The following CTNNA3 variants were observed in gnomAD, a reference collection of about 807,000 sequenced individuals.
The protein encoded by CTNNA3 is catenin alpha-3.
A neutral mutation model predicts 95.7 loss-of-function variants in CTNNA3; 76 were observed. The ratio of observed to expected loss-of-function variants is 0.79; its 90% CI spans 0.66 to 0.96. The LOEUF (loss-of-function observed/expected upper bound fraction) is 0.96, where lower values mean the gene tolerates loss of function less well. Ranked by LOEUF, CTNNA3 falls within the 40% of genes least tolerant of loss-of-function variation. The pLI is 0.00. For missense variants in CTNNA3, 1,191 were observed against 1,089.8 expected, an observed-to-expected ratio of 1.09 and a Z score of -1.31; for synonymous variants, 431 against 374.4, an observed-to-expected ratio of 1.15 and a Z score of -1.74.
chr10:67,453,564 C>CA (rs1847065331), intron 5 of CTNNA3, among the ~76,000 whole-genome samples: 1 of 152,162 alleles, frequency 6.6e-6, no homozygotes, highest in South Asian at 2.1e-4. Flanking sequence ...GCATGGAAAA[C>CA]AAACTTCACT....
chr10:67,030,772 G>A (rs780129941), intron 7 of CTNNA3, among the ~76,000 whole-genome samples: 17 of 152,136 alleles, frequency 1.1e-4, no homozygotes, highest in Non-Finnish European at 2.1e-4. Context: ...TTGGGAGGCC[G>A]AGGTGGGCAG....
chr10:66,313,672 C>T (rs2132267325), intron 12 of CTNNA3, among the ~76,000 whole-genome samples: 1 of 152,248 alleles, frequency 6.6e-6, no homozygotes, highest in South Asian at 2.1e-4. Flanking sequence ...TATTATTTGT[C>T]TTTCTCTCAA....
At chr10:66,011,730 A>G (rs1361755620) in intron 15 of CTNNA3, among the ~76,000 whole-genome samples, 1 of 152,124 alleles carries the variant, frequency 6.6e-6, no homozygotes, top group Non-Finnish European at 1.5e-5. Flanking sequence ...AGTTTCATTT[A>G]TTCTCTTAAG....
At chr10:66,110,821 G>A (rs1024636637) in intron 13 of CTNNA3, among the ~76,000 whole-genome samples, 2 of 152,104 alleles carry the variant, frequency 1.3e-5, no homozygotes, top group African/African-American at 4.8e-5. Context: ...CACTGTGCAA[G>A]TATCATAGAG....
At chr10:66,105,503 C>T (rs1473067924) in intron 13 of CTNNA3, among the ~76,000 whole-genome samples, 7 of 152,194 alleles carry the variant, frequency 4.6e-5, no homozygotes, top group Non-Finnish European at 8.8e-5. Context: ...TATATCCTAT[C>T]ATGCAATGAC....
chr10:66,977,979 T>C (rs1445674738), intron 7 of CTNNA3, among the ~76,000 whole-genome samples: 1 of 152,076 alleles, frequency 6.6e-6, no homozygotes, highest in Admixed American at 6.6e-5. Flanking sequence ...TATTCCTAAG[T>C]GTGGAATAAT....
At chr10:66,020,838 A>T (rs1470406312) in intron 15 of CTNNA3, among the ~76,000 whole-genome samples, 3 of 151,328 alleles carry the variant, frequency 2.0e-5, no homozygotes, top group Non-Finnish European at 4.4e-5. Flanking sequence ...TACCCAGCTA[A>T]TTTTTTTTGT....
intron 3 of CTNNA3, among the ~76,000 whole-genome samples, chr10:67,580,075 A>C (rs1842327558): frequency 6.6e-6 from 1 of 152,068 alleles, no homozygotes; most frequent in Admixed American, 6.6e-5. Flanking sequence ...CCCATTTGTC[A>C]ATTTAGGCTT....
intron 13 of CTNNA3, among the ~76,000 whole-genome samples, chr10:66,230,716 C>A (rs531500285): frequency 6.6e-6 from 1 of 152,042 alleles, no homozygotes; most frequent in Non-Finnish European, 1.5e-5. Flanking sequence ...TTGGATGAAG[C>A]AGGGTCCCTG....
chr10:65,971,369 C>T (rs868553794), intron 16 of CTNNA3, among the ~76,000 whole-genome samples: 36 of 132,498 alleles, frequency 2.7e-4, no homozygotes, highest in Middle Eastern at 8.0e-3. Flanking sequence ...TCAATGAAGA[C>T]CAAAGTTGTG....
intron 5 of CTNNA3, among the ~76,000 whole-genome samples, chr10:67,323,360 T>C (rs1841402880): frequency 6.6e-6 from 1 of 152,232 alleles, no homozygotes; most frequent in Non-Finnish European, 1.5e-5. Flanking sequence ...GTTTTGCATC[T>C]AAATCTTTAA....
At chr10:66,367,085 C>T (rs1054440910) in intron 12 of CTNNA3, among the ~76,000 whole-genome samples, 3 of 152,092 alleles carry the variant, frequency 2.0e-5, no homozygotes, top group African/African-American at 4.8e-5. Flanking sequence ...CCTAGAGTCC[C>T]TTCTCAGTCA....
Position 66,294,897 on chromosome 10 carries a change from A to AGT in CTNNA3, c.1733-14277_1733-14276insAC, listed in dbSNP as rs925143247. The stretch of plus-strand genomic sequence containing the variant: ...TTAGACAGTCAGGACAGAGAGAGAG[A>AGT]GAGAGAGAGAGAGAGAGGGATTTGG... On this transcript the variant is annotated intron_variant, in intron 12 of 17. Transcript: ENST00000433211. Among the ~76,000 whole-genome samples the AGT allele has an allele frequency of 4.1e-5, 6 of 146,908 alleles. 1 individual carries two copies. In the Admixed American group the frequency reaches 4.2e-4, roughly 10 times the overall value.
At chr10:67,750,461 C>A in intron 1 of CTNNA3, 1 of 1,513,630 alleles carries the variant, frequency 6.6e-7, no homozygotes, top group Non-Finnish European at 9.2e-7. Flanking sequence ...GGAAGCCATC[C>A]AAGAGAAGAT....
chr10:66,935,280 A>G (rs144308105), intron 7 of CTNNA3, among the ~76,000 whole-genome samples: 18 of 152,236 alleles, frequency 1.2e-4, no homozygotes, highest in African/African-American at 3.8e-4. Flanking sequence ...GTGTGACAAG[A>G]TTACAACAGT....
chr10:67,314,877 A>G (rs1421719079), intron 5 of CTNNA3, among the ~76,000 whole-genome samples: 1 of 152,194 alleles, frequency 6.6e-6, no homozygotes, highest in East Asian at 1.9e-4. Flanking sequence ...TGCCTGCTAC[A>G]TTGATTTTTA....
Position 66,538,949 on chromosome 10 carries a change from C to T in CTNNA3, c.1375-18176G>A, listed in dbSNP as rs1841751619. ...TTCTAACTTATCAGTATCATTTGTT[C>T]ACACATTACCATCTATCTTACCTAA... On this transcript the variant is annotated intron_variant, in intron 10 of 17. Transcript: ENST00000433211. Among the ~76,000 whole-genome samples the T allele has an allele frequency of 2.0e-5, 3 of 152,096 alleles. No homozygotes were observed. In the East Asian group the frequency reaches 5.8e-4, roughly 29 times the overall value.
At chr10:66,417,857 G>A (rs1333519162) in intron 11 of CTNNA3, among the ~76,000 whole-genome samples, 1 of 151,854 alleles carries the variant, frequency 6.6e-6, no homozygotes, top group Admixed American at 6.6e-5. Context: ...GTGGGATACA[G>A]CTAAAGTAGT....
At chr10:66,917,415 G>C (rs2132585766) in intron 7 of CTNNA3, among the ~76,000 whole-genome samples, 1 of 152,254 alleles carries the variant, frequency 6.6e-6, no homozygotes, top group Non-Finnish European at 1.5e-5. Context: ...CCTCTGGTTT[G>C]ACATATAGGC....
Sources: gnomAD v4.1 joint callset for allele counts (sites outside exome capture counted in the v4.1 genomes callset) on GRCh38, gnomAD v4.1.1 for gene constraint, MANE v1.5 for transcripts, NCBI Gene and HGNC (gene_info 2026-07-23, HGNC 2026-07-21) for gene names.